The following CLSTN2 variants were observed in gnomAD, a reference collection of about 807,000 sequenced individuals.
CLSTN2 encodes the protein calsyntenin 2, also known as calsyntenin-2.
Under a neutral mutation model 101.2 loss-of-function variants are expected in CLSTN2, and 48 were observed. The observed-to-expected ratio is 0.47, with a 90% CI of 0.38 to 0.60. The LOEUF is 0.60. CLSTN2 is among the 20% of genes least tolerant of loss of function. The pLI is 0.00. For missense variants in CLSTN2, 1,160 were observed against 1,238.2 expected (o/e 0.94, Z 0.95); for synonymous variants, 481 against 463.6 (o/e 1.04, Z -0.48).
chr3:140,229,239 G>A (rs1358472834), intron 2 of CLSTN2, among the ~76,000 whole-genome samples: 2 of 152,172 alleles, frequency 1.3e-5, no homozygotes, highest in East Asian at 3.9e-4. Context: ...AAGAAGAAAC[G>A]AGGAGCTCAT....
chr3:139,940,779 A>G (rs1935113710), intron 1 of CLSTN2, among the ~76,000 whole-genome samples: 1 of 152,144 alleles, frequency 6.6e-6, no homozygotes, highest in Admixed American at 6.5e-5. Context: ...TTGAAGCCAG[A>G]GCTCCATCTC....
chr3:140,240,174 C>CTCTCTCTCTCTCTCTA (rs1311225528), intron 2 of CLSTN2, among the ~76,000 whole-genome samples: 4 of 13,346 alleles, frequency 3.0e-4, no homozygotes, highest in Admixed American at 2.4e-3. Context: ...CTCTCTCTCT[C>CTCTCTCTCTCTCTCTA]TATATATATA....
At chr3:140,375,911 A>T (rs543015339) in intron 2 of CLSTN2, among the ~76,000 whole-genome samples, 1 of 152,346 alleles carries the variant, frequency 6.6e-6, no homozygotes, top group African/African-American at 2.4e-5. Flanking sequence ...GGATGCCCAG[A>T]AACAGTAAAC....
At chr3:140,090,291 G>T (rs1179474943) in intron 1 of CLSTN2, among the ~76,000 whole-genome samples, 4 of 151,898 alleles carry the variant, frequency 2.6e-5, no homozygotes, top group African/African-American at 9.7e-5. Flanking sequence ...TAGCCATTAG[G>T]CTGATGCCCT....
chr3:140,370,223 G>A (rs2107956695), intron 2 of CLSTN2, among the ~76,000 whole-genome samples: 1 of 152,334 alleles, frequency 6.6e-6, no homozygotes, highest in Non-Finnish European at 1.5e-5. Flanking sequence ...CCTGCTATCA[G>A]CATATGTCAA....
chr3:140,056,985 C>T (rs1009130575), intron 1 of CLSTN2, among the ~76,000 whole-genome samples: 3 of 152,308 alleles, frequency 2.0e-5, no homozygotes, highest in Admixed American at 6.5e-5. Flanking sequence ...TTTTCTGCCT[C>T]ATGCCAGAGC....
At chr3:140,033,140 C>T (rs764629175) in intron 1 of CLSTN2, among the ~76,000 whole-genome samples, 14 of 152,168 alleles carry the variant, frequency 9.2e-5, no homozygotes, top group Non-Finnish European at 2.1e-4. Flanking sequence ...AGGACTGACA[C>T]GTAGTAGATA....
At chr3:140,506,541 CAG>C (rs1934687236) in intron 8 of CLSTN2, 2 of 152,176 alleles carry the variant, frequency 1.3e-5, no homozygotes, top group African/African-American at 4.8e-5. Flanking sequence ...TGCCCAGTAA[CAG>C]AGTAAGAGCC....
intron 4 of CLSTN2, among the ~76,000 whole-genome samples, chr3:140,411,497 A>G (rs1184320429): frequency 2.0e-5 from 3 of 152,274 alleles, no homozygotes; most frequent in Non-Finnish European, 4.4e-5. Context: ...ACTTTCAACA[A>G]TGGATAGAGT....
chr3:140,459,005 T>G (rs1474356591), intron 6 of CLSTN2, among the ~76,000 whole-genome samples: 1 of 152,176 alleles, frequency 6.6e-6, no homozygotes, highest in Non-Finnish European at 1.5e-5. Flanking sequence ...GGGATCAGGA[T>G]CTAGAACTTT....
chr3:140,149,512 G>A (rs2009830212), intron 1 of CLSTN2, among the ~76,000 whole-genome samples: 1 of 152,044 alleles, frequency 6.6e-6, no homozygotes, highest in African/African-American at 2.4e-5. Context: ...CTGGAGTGCA[G>A]TGGCACGATC....
rs190148941 is a variant in CLSTN2, at chr3:140,502,669, G to A, written c.1345-29655G>A. Among the ~76,000 whole-genome samples, 171 of 152,330 alleles carry A rather than the reference G, an allele frequency of 1.1e-3. 2 individuals are homozygous for A. Among genetic ancestry groups the A allele is most frequent in the Admixed American group, 0.01 (157 of 15,306 alleles). On this transcript the variant is annotated intron_variant, in intron 8 of 16. Coordinates refer to ENST00000458420, the MANE Select transcript of CLSTN2 (RefSeq NM_022131.3). ...TCAGGGCAGGGGATGGGGTGCAGTG[G>A]AGTGTGGAGCTGGCCTTGGAAAGCT... is the stretch of plus-strand genomic sequence containing the variant.
chr3:140,522,093 C>T (rs545232990), intron 8 of CLSTN2, among the ~76,000 whole-genome samples: 3 of 152,344 alleles, frequency 2.0e-5, no homozygotes, highest in South Asian at 2.1e-4. Flanking sequence ...TTGCAAAAAT[C>T]TGTGGGAGAA....
intron 10 of CLSTN2, among the ~76,000 whole-genome samples, chr3:140,552,401 T>A (rs1449465397): frequency 8.6e-5 from 12 of 138,844 alleles, no homozygotes; most frequent in Non-Finnish European, 1.2e-4. Flanking sequence ...TACCGCAGTT[T>A]AAAAAAAAAA....
intron 2 of CLSTN2, among the ~76,000 whole-genome samples, chr3:140,229,378 ACTGT>A (rs2086351725): frequency 6.6e-6 from 1 of 152,034 alleles, no homozygotes; most frequent in African/African-American, 2.4e-5. Flanking sequence ...TGTTCCACTC[ACTGT>A]CTGTGTTCCA....
At chr3:140,171,820 T>TAA (rs1559797410) in intron 1 of CLSTN2, among the ~76,000 whole-genome samples, 4 of 96,976 alleles carry the variant, frequency 4.1e-5, no homozygotes, top group Non-Finnish European at 8.0e-5. Context: ...ATATTATATA[T>TAA]TATATATAAT....
chr3:140,351,029 G>A (rs2087600206), intron 2 of CLSTN2, among the ~76,000 whole-genome samples: 2 of 152,160 alleles, frequency 1.3e-5, no homozygotes, highest in African/African-American at 4.8e-5. Context: ...AGGTACTCAG[G>A]ATGCTTCAGG....
At chr3:140,167,783 T>A (rs2010157282) in intron 1 of CLSTN2, among the ~76,000 whole-genome samples, 1 of 152,208 alleles carries the variant, frequency 6.6e-6, no homozygotes, top group South Asian at 2.1e-4. Flanking sequence ...AAATGTCATA[T>A]GAATGGCATC....
intron 1 of CLSTN2, among the ~76,000 whole-genome samples, chr3:140,008,089 C>T (rs1376716971): frequency 4.6e-5 from 7 of 152,360 alleles, no homozygotes; most frequent in Admixed American, 2.6e-4. Flanking sequence ...GCACCAGCTG[C>T]AGGAGTTCAT....
Sources: gnomAD v4.1 joint callset for allele counts (sites outside exome capture counted in the v4.1 genomes callset) on GRCh38, gnomAD v4.1.1 for gene constraint, MANE v1.5 for transcripts, NCBI Gene and HGNC (gene_info 2026-07-23, HGNC 2026-07-21) for gene names.